The following STX18 variants were observed in gnomAD, a reference collection of about 807,000 sequenced individuals.
The protein encoded by STX18 is syntaxin 18.
STX18 carries 40 observed loss-of-function variants against 50.1 expected under a neutral mutation model. The ratio of observed to expected loss-of-function variants is 0.80; its 90% CI spans 0.62 to 1.04. STX18 has a LOEUF of 1.04. Among genes scored for constraint, STX18 ranks in the 50% least tolerant of loss-of-function variants. The pLI is 0.00. For synonymous variants in STX18, 158 were observed against 151.8 expected (o/e 1.04, Z -0.30); for missense variants, 410 against 415.8 (o/e 0.99, Z 0.12).
chr4:4,438,208 C>T (rs1300637583), intron 6 of STX18, among the ~76,000 whole-genome samples, 186 bp downstream of exon 6: 3 of 152,246 alleles, frequency 2.0e-5, no homozygotes, highest in Non-Finnish European at 4.4e-5. Context: ...GCACCCCCTG[C>T]CTCTGTGGCA....
In STX18 at chr4:4,425,297, C is replaced by T. The variant is rs543960645; in HGVS notation, c.703-75G>A. Reference sequence around the variant, plus strand: ...AGAGTCTAGCAAGAAAGCGGACCTACGCTCCAGGAATCACTGCCGAAGCCC... The same window carrying T: ...AGAGTCTAGCAAGAAAGCGGACCTATGCTCCAGGAATCACTGCCGAAGCCC... On this transcript the variant is annotated intron_variant, in intron 7 of 10. Coordinates refer to ENST00000306200, the MANE Select transcript of STX18 (RefSeq NM_016930.4). 6.4e-5 allele frequency: 88 copies of T among 1,366,780 alleles called. No homozygotes were observed. In the Middle Eastern group the frequency reaches 8.9e-4, roughly 14 times the overall value. 84.7% of individuals were successfully genotyped at this position (1,366,780 alleles called of 1,614,324 possible).
chr4:4,528,291 G>A (rs766432032), intron 1 of STX18, among the ~76,000 whole-genome samples: 4 of 152,100 alleles, frequency 2.6e-5, no homozygotes, highest in African/African-American at 4.8e-5. Context: ...ATTGGAGGGG[G>A]GGCCTGCTGG....
intron 1 of STX18, among the ~76,000 whole-genome samples, chr4:4,501,822 C>T (rs1467906134): frequency 1.3e-5 from 2 of 152,106 alleles, no homozygotes; most frequent in African/African-American, 4.8e-5. Context: ...AATACATAAC[C>T]CAGTTTTTGA....
intron 7 of STX18, among the ~76,000 whole-genome samples, chr4:4,431,797 G>A (rs1348099919): frequency 6.6e-6 from 1 of 152,098 alleles, no homozygotes; most frequent in African/African-American, 2.4e-5. Context: ...CTTCAGTGCA[G>A]GCCATTTCCT....
intron 2 of STX18, among the ~76,000 whole-genome samples, chr4:4,465,400 A>G (rs1473353743): frequency 6.6e-6 from 1 of 152,268 alleles, no homozygotes; most frequent in Non-Finnish European, 1.5e-5. Flanking sequence ...TGTGGAACAT[A>G]TACATCATGG....
intron 5 of STX18, among the ~76,000 whole-genome samples, chr4:4,448,918 T>G (rs1264453833): frequency 1.3e-5 from 2 of 152,154 alleles, no homozygotes; most frequent in African/African-American, 2.4e-5. Context: ...GAAACCTGGC[T>G]TCCAATATCC....
intron 5 of STX18, among the ~76,000 whole-genome samples, chr4:4,443,289 A>AC (rs1489772384): frequency 6.6e-6 from 1 of 152,258 alleles, no homozygotes; most frequent in African/African-American, 2.4e-5. Flanking sequence ...TCAACATGGA[A>AC]CTGGTGGAAG....
At chr4:4,499,262 A>C (rs1162223849) in intron 1 of STX18, among the ~76,000 whole-genome samples, 1 of 152,234 alleles carries the variant, frequency 6.6e-6, no homozygotes, top group South Asian at 2.1e-4. Flanking sequence ...AATGAGACCA[A>C]CTGAAATCAA....
At chr4:4,454,288 G>T (rs1726948638) in intron 5 of STX18, among the ~76,000 whole-genome samples, 1 of 152,190 alleles carries the variant, frequency 6.6e-6, no homozygotes, top group African/African-American at 2.4e-5. Flanking sequence ...AAAGTAATTG[G>T]CACAGGGCAG....
In STX18 at chr4:4,420,669, CGA is replaced by C. The variant is rs1724893178; in HGVS notation, c.912+193_912+194del. 3.8e-5 allele frequency: 22 copies of C among 581,506 alleles called. No individual in the cohort carries two copies. In the South Asian group the frequency reaches 4.5e-4, roughly 12 times the overall value. 36.0% of individuals were successfully genotyped at this position (581,506 alleles called of 1,614,324 possible). A position where few individuals can be genotyped will look rare whatever the true frequency, so the allele number is the denominator to read the frequency against. On this transcript the variant is annotated intron_variant, in intron 10 of 10. Transcript: ENST00000306200. This position sits in a 1 kb window ranked among gnomAD's most constrained non-coding sequence, Gnocchi z 4.3. ...TGGAGGCTGGTGAGCCACTGCCTCT[CGA>C]AAGCAGCTGGAGGTGGGCGACAGGT... is the stretch of plus-strand genomic sequence containing the variant.
At chr4:4,508,709 C>G (rs1479508548) in intron 1 of STX18, among the ~76,000 whole-genome samples, 2 of 152,166 alleles carry the variant, frequency 1.3e-5, no homozygotes, top group Admixed American at 1.3e-4. Context: ...TCTCCCTCTC[C>G]CTAGTCCCCA....
intron 1 of STX18, among the ~76,000 whole-genome samples, chr4:4,530,176 G>A (rs1731030279): frequency 6.6e-6 from 1 of 152,024 alleles, no homozygotes; most frequent in Non-Finnish European, 1.5e-5. Context: ...AAGTAAATGT[G>A]CTCATTAAAG....
intron 1 of STX18, among the ~76,000 whole-genome samples, chr4:4,481,185 G>T (rs937231215): frequency 1.3e-5 from 2 of 152,172 alleles, no homozygotes; most frequent in African/African-American, 4.8e-5. Flanking sequence ...CTCAAAGAGC[G>T]ACCGCATTCT....
At chr4:4,527,790 T>TA (rs1560211143) in intron 1 of STX18, among the ~76,000 whole-genome samples, 8 of 145,104 alleles carry the variant, frequency 5.5e-5, no homozygotes, top group African/African-American at 2.0e-4. Context: ...ATATATAATT[T>TA]TATATATATA....
At chr4:4,475,083 G>A (rs1015575415) in intron 1 of STX18, among the ~76,000 whole-genome samples, 1 of 152,164 alleles carries the variant, frequency 6.6e-6, no homozygotes. Flanking sequence ...CTTTTAGTTA[G>A]TTCTATTCTA....
intron 9 of STX18, 63 bp downstream of exon 9, chr4:4,423,455 G>A (rs965199836): frequency 3.8e-5 from 58 of 1,514,290 alleles, no homozygotes; most frequent in Middle Eastern, 3.4e-4. Context: ...AAAATGTCTC[G>A]TGCTCTCAAG....
intron 1 of STX18, among the ~76,000 whole-genome samples, chr4:4,532,967 A>C (rs1236301071): frequency 2.0e-5 from 3 of 152,364 alleles, no homozygotes; most frequent in East Asian, 3.9e-4. Flanking sequence ...ACAGCTTACA[A>C]ATTCCATGGT....
intron 2 of STX18, among the ~76,000 whole-genome samples, chr4:4,463,599 T>G (rs903895419): frequency 2.6e-5 from 4 of 152,158 alleles, no homozygotes; most frequent in Non-Finnish European, 5.9e-5. Context: ...TGAAAGATAT[T>G]TACAACCACC....
chr4:4,454,656 C>T (rs1407665181), intron 5 of STX18, among the ~76,000 whole-genome samples: 4 of 152,200 alleles, frequency 2.6e-5, no homozygotes, highest in African/African-American at 4.8e-5. Context: ...GGACTGCTTT[C>T]TATCTCTCTA....
Sources: allele counts gnomAD v4.1 joint callset (sites outside exome capture counted in the v4.1 genomes callset), GRCh38; gene constraint gnomAD v4.1.1; non-coding constraint Gnocchi (gnomAD v3.1); transcripts MANE v1.5; gene names NCBI Gene and HGNC (gene_info 2026-07-23, HGNC 2026-07-21).